The following PPP4R4 variants were observed in gnomAD, a reference collection of about 807,000 sequenced individuals.
The protein encoded by PPP4R4 is protein phosphatase 4 regulatory subunit 4, also known as serine/threonine-protein phosphatase 4 regulatory subunit 4.
PPP4R4 carries 70 observed loss-of-function variants against 121.8 expected under a neutral mutation model. The observed-to-expected ratio is 0.57, with a 90% CI of 0.47 to 0.70. The LOEUF is 0.70. Among genes scored for constraint, PPP4R4 ranks in the 30% least tolerant of loss-of-function variants. The pLI is 0.00. For missense variants in PPP4R4, 875 were observed against 1,033.6 expected (o/e 0.85, Z 2.10); for synonymous variants, 348 against 355.7 (o/e 0.98, Z 0.24).
Position 94,175,604 on chromosome 14 carries a change from C to T in PPP4R4, c.118-450C>T, listed in dbSNP as rs182036856. The T allele has an allele frequency of 6.3e-5, 10 of 158,892 alleles. No individual in the cohort carries two copies. The East Asian group carries it at 1.8e-3, about 29-fold the overall frequency. The allele number at this position is 158,892 out of a possible 1,614,324, so 9.8% of individuals were successfully genotyped here. A position where few individuals can be genotyped will look rare whatever the true frequency, so the allele number is the denominator to read the frequency against. On this transcript the variant is annotated intron_variant, in intron 1 of 24. Coordinates refer to ENST00000304338, the MANE Select transcript of PPP4R4 (RefSeq NM_058237.2). ...AGCCCCGGAGTTTATTTCCTTCCCT[C>T]CCCCACTCCAGATCTTGTCCTTTTC... is the stretch of plus-strand genomic sequence containing the variant.
chr14:94,266,308 A>G (rs944220787), intron 22 of PPP4R4, among the ~76,000 whole-genome samples: 1 of 152,150 alleles, frequency 6.6e-6, no homozygotes, highest in African/African-American at 2.4e-5. Context: ...AAGTGATCAC[A>G]GCAGAGTTAG....
At chr14:94,238,845 T>C (rs1351889959) in intron 8 of PPP4R4, among the ~76,000 whole-genome samples, 1 of 152,216 alleles carries the variant, frequency 6.6e-6, no homozygotes, top group African/African-American at 2.4e-5. Context: ...TCCAGAACAG[T>C]CATTTAGACA....
intron 23 of PPP4R4, among the ~76,000 whole-genome samples, chr14:94,272,957 A>G (rs1393710747): frequency 6.6e-6 from 1 of 152,226 alleles, no homozygotes; most frequent in Non-Finnish European, 1.5e-5. Flanking sequence ...TGACACACCT[A>G]TTAGAATGGT....
chr14:94,264,509 T>C (rs1242133621), intron 19 of PPP4R4, among the ~76,000 whole-genome samples: 1 of 152,192 alleles, frequency 6.6e-6, no homozygotes, highest in Non-Finnish European at 1.5e-5. Flanking sequence ...CCATTTTCTT[T>C]TCTCTCAATC....
chr14:94,222,312 T>A (rs1298290666), intron 3 of PPP4R4, among the ~76,000 whole-genome samples: 1 of 151,972 alleles, frequency 6.6e-6, no homozygotes, highest in African/African-American at 2.4e-5. Context: ...AGTTACAGAC[T>A]CTTTTACTTT....
At chr14:94,264,781 T>G in intron 19 of PPP4R4, 97 bp from the exon 20 acceptor site, 1 of 918,908 alleles carries the variant, frequency 1.1e-6, no homozygotes. Context: ...GGCATTTTTA[T>G]GAACTTTACT....
chr14:94,267,739 A>G lies in PPP4R4; in HGVS notation c.2449+710A>G, dbSNP rs575610696. Among the ~76,000 whole-genome samples, 11 of 152,272 alleles carry G rather than the reference A, an allele frequency of 7.2e-5. No individual in the cohort carries two copies. In the East Asian group the frequency reaches 7.7e-4, roughly 11 times the overall value. On this transcript the variant is annotated intron_variant, in intron 23 of 24. Transcript: ENST00000304338. Reference sequence around the variant, plus strand: ...GGAGATACTGGTTGAAAATTTTACTATTGATCTATGGTAATTTTTTTAGGT... The same window carrying G: ...GGAGATACTGGTTGAAAATTTTACTGTTGATCTATGGTAATTTTTTTAGGT...
chr14:94,214,950 G>T (rs1890944744), intron 3 of PPP4R4, among the ~76,000 whole-genome samples: 1 of 152,198 alleles, frequency 6.6e-6, no homozygotes, highest in Non-Finnish European at 1.5e-5. Context: ...CAGCCTATGT[G>T]TATAAAATGT....
At chr14:94,175,749 T>C (rs1300511675) in intron 1 of PPP4R4, 4 of 411,798 alleles carry the variant, frequency 9.7e-6, no homozygotes, top group Non-Finnish European at 1.3e-5. Flanking sequence ...TTTTATAACA[T>C]GCGTATGAAA....
chr14:94,222,575 C>T (rs1412334215), intron 3 of PPP4R4, among the ~76,000 whole-genome samples: 2 of 145,442 alleles, frequency 1.4e-5, no homozygotes, highest in Non-Finnish European at 3.0e-5. Context: ...CATTTGGAAT[C>T]TTTTTTTTTT....
In PPP4R4 at chr14:94,241,816, A is replaced by G. The variant is rs766276067; in HGVS notation, c.1005A>G (p.Arg335=). 2 of 1,595,318 alleles carry G rather than the reference A, an allele frequency of 1.3e-6. No individual in the cohort carries two copies. The highest frequency in any genetic ancestry group is 8.5e-7 in the Non-Finnish European group (1 of 1,174,854). Residue 335 remains arginine, a synonymous_variant, in exon 10 of 25, where the codon AGA becomes AGG. Coordinates refer to ENST00000304338, the MANE Select transcript of PPP4R4 (RefSeq NM_058237.2). The part of the protein sequence containing the change: ...YGIFTPDQHL[R]FLEFYKKLCT... ...TTTTCACTCCAGATCAGCACTTGAG[A>G]TTTTTGGAATTTTATAAGAAACTTT...
chr14:94,236,230 A>G (rs183480495), intron 7 of PPP4R4, among the ~76,000 whole-genome samples: 44 of 152,328 alleles, frequency 2.9e-4, no homozygotes, highest in Admixed American at 1.5e-3. Flanking sequence ...TTGAATTTGC[A>G]TCACTGTCAC....
At chr14:94,183,079 C>G (rs891303949) in intron 2 of PPP4R4, among the ~76,000 whole-genome samples, 1 of 152,146 alleles carries the variant, frequency 6.6e-6, no homozygotes, top group Admixed American at 6.5e-5. Flanking sequence ...TAAGGTTTTA[C>G]TTGGCTACAC....
At chr14:94,262,691 A>G (rs1893846332) in intron 19 of PPP4R4, among the ~76,000 whole-genome samples, 1 of 152,026 alleles carries the variant, frequency 6.6e-6, no homozygotes, top group African/African-American at 2.4e-5. Context: ...ATTTACTCAG[A>G]TCTTTACCAT....
intron 3 of PPP4R4, among the ~76,000 whole-genome samples, chr14:94,215,888 A>G (rs762085024): frequency 3.2e-4 from 48 of 152,216 alleles, no homozygotes; most frequent in Non-Finnish European, 6.3e-4. Context: ...ACTATTAATA[A>G]TTAAAGTTCT....
chr14:94,247,797 A>G (rs1892974886), intron 14 of PPP4R4, among the ~76,000 whole-genome samples: 1 of 152,238 alleles, frequency 6.6e-6, no homozygotes, highest in African/African-American at 2.4e-5. Flanking sequence ...CATAAACAGG[A>G]TTAAAAGCAA....
chr14:94,188,121 C>T (rs955670261), intron 2 of PPP4R4, among the ~76,000 whole-genome samples: 6 of 151,934 alleles, frequency 3.9e-5, no homozygotes, highest in Non-Finnish European at 8.8e-5. Flanking sequence ...TTCCTCTATT[C>T]CTAATTTGCT....
chr14:94,181,258 G>T (rs3925582), intron 2 of PPP4R4, among the ~76,000 whole-genome samples: 5 of 151,996 alleles, frequency 3.3e-5, no homozygotes, highest in Admixed American at 1.3e-4. Context: ...GAGAGAAAGA[G>T]AGAGGAAGAG....
At chr14:94,200,920 C>G (rs1030737226) in intron 2 of PPP4R4, among the ~76,000 whole-genome samples, 4 of 151,844 alleles carry the variant, frequency 2.6e-5, no homozygotes, top group African/African-American at 9.7e-5. Flanking sequence ...GCGACCTCAG[C>G]TAGTCTATTT....
Sources: allele counts gnomAD v4.1 joint callset (sites outside exome capture counted in the v4.1 genomes callset), GRCh38; gene constraint gnomAD v4.1.1; transcripts MANE v1.5; gene names NCBI Gene and HGNC (gene_info 2026-07-23, HGNC 2026-07-21).